Variants in ZNF439 observed in about 807,000 individuals in gnomAD.
The protein encoded by ZNF439 is zinc finger protein 439.
A neutral mutation model predicts 47.3 loss-of-function variants in ZNF439; 40 were observed. The ratio of observed to expected loss-of-function variants is 0.85; its 90% CI spans 0.66 to 1.10. The LOEUF is 1.10. Ranked by LOEUF, ZNF439 falls within the 50% of genes least tolerant of loss-of-function variation. The pLI, the probability that ZNF439 is intolerant of heterozygous loss-of-function variation, is 0.00. For missense variants in ZNF439, 556 were observed against 601.1 expected (o/e 0.93, Z 0.78); for synonymous variants, 171 against 198.8 (o/e 0.86, Z 1.18).
chr19:11,865,572 A>T (rs1387903651), intron 1 of ZNF439, among the ~76,000 whole-genome samples: 1 of 151,002 alleles, frequency 6.6e-6, no homozygotes, highest in Non-Finnish European at 1.5e-5. Flanking sequence ...ATTTTCAAGG[A>T]TACACAGCTT....
intron 1 of ZNF439, chr19:11,849,221 G>A: frequency 9.6e-7 from 1 of 1,044,870 alleles, no homozygotes; most frequent in Non-Finnish European, 1.2e-6. Context: ...GTCATGCGCG[G>A]ATTTCGACTC....
At position 11,867,447 on chromosome 19, in the gene ZNF439, T is replaced by G; in HGVS notation, c.393T>G (p.Cys131Trp). 6.2e-7 allele frequency: 1 copy of G among 1,614,072 alleles called. No homozygotes were observed. Among genetic ancestry groups the G allele is most frequent in the Middle Eastern group, 1.7e-4 (1 of 6,060 alleles). The change falls in exon 4 of 4, where the codon TGT becomes TGG. Residue 131 changes from cysteine to tryptophan, a missense_variant. Coordinates refer to ENST00000682736, the MANE Select transcript of ZNF439 (RefSeq NM_001348719.2). ...PEVKSCDSFV[C>W]EVGLGNSSSN... ...TAAAATCATGTGACAGCTTTGTGTG[T>G]GAAGTTGGCCTAGGTAACTCATCTT...
chr19:11,848,787 G>A lies in ZNF439; in HGVS notation c.-81G>A, dbSNP rs1160581067. 5 of 1,370,846 alleles carry A rather than the reference G, an allele frequency of 3.6e-6. No individual in the cohort carries two copies. The African/African-American group carries it at 4.6e-5, about 13-fold the overall frequency. The allele number at this position is 1,370,846 out of a possible 1,614,324, so 84.9% of individuals were successfully genotyped here. ...CCGTCACCTTTGTCGCTGCGAGGGC[G>A]GCGGTTGGGATCTGGCCTTTCCAGC... On this transcript the variant is annotated 5_prime_UTR_variant, in exon 1 of 4. Coordinates refer to ENST00000682736, the MANE Select transcript of ZNF439 (RefSeq NM_001348719.2).
intron 1 of ZNF439, among the ~76,000 whole-genome samples, chr19:11,853,030 A>G (rs1976292350): frequency 1.3e-5 from 2 of 152,120 alleles, no homozygotes; most frequent in South Asian, 2.1e-4. Flanking sequence ...TCCAGTTTCA[A>G]GCGATTCTCC....
At chr19:11,849,012 C>T in intron 1 of ZNF439, 82 bp downstream of exon 1, 1 of 1,400,190 alleles carries the variant, frequency 7.1e-7, no homozygotes, top group Non-Finnish European at 9.5e-7. Flanking sequence ...GTGGGCGACT[C>T]CGGGGTCTGG....
Position 11,867,528 on chromosome 19 carries a change from T to C in ZNF439, c.474T>C (p.Tyr158=). 1 of 1,614,176 alleles carries C rather than the reference T, an allele frequency of 6.2e-7. No individual in the cohort carries two copies. Among genetic ancestry groups the C allele is most frequent in the South Asian group, 1.1e-5 (1 of 91,082 alleles). ...ACAAGGCATGTGAATGTCAGGAATATGGACCAAAGCCATGGAAGAGTCAAC... is the reference window on the plus strand; with the variant it reads ...ACAAGGCATGTGAATGTCAGGAATACGGACCAAAGCCATGGAAGAGTCAAC... ...TGHKACECQE[Y]GPKPWKSQQP... The change falls in exon 4 of 4, where the codon TAT becomes TAC. Residue 158 remains tyrosine, a synonymous_variant. Coordinates refer to ENST00000682736, the MANE Select transcript of ZNF439 (RefSeq NM_001348719.2).
rs116441832 is a variant in ZNF439 at position 11,866,637 on chromosome 19, C to T, written c.251+40C>T. 819 of 1,580,890 alleles carry T rather than the reference C, an allele frequency of 5.2e-4. 2 individuals are homozygous for T. The African/African-American group carries it at 8.9e-3, about 17-fold the overall frequency. The stretch of plus-strand genomic sequence containing the variant: ...TAAGAGAAAGCAGTGTCTCTCTACA[C>T]GATCTTAGAATATGAGACTATGTTA... On this transcript the variant is annotated intron_variant, in intron 3 of 3. Coordinates refer to ENST00000682736, the MANE Select transcript of ZNF439 (RefSeq NM_001348719.2).
At chr19:11,861,717 G>A (rs1976545063) in intron 1 of ZNF439, among the ~76,000 whole-genome samples, 1 of 152,182 alleles carries the variant, frequency 6.6e-6, no homozygotes, top group African/African-American at 2.4e-5. Flanking sequence ...TGGAACAATA[G>A]CCTGCAAAAG....
At chr19:11,867,283 A>G (rs768200190) in intron 3 of ZNF439, 23 bp from the exon 4 acceptor site, 4 of 1,594,830 alleles carry the variant, frequency 2.5e-6, no homozygotes, top group Non-Finnish European at 3.4e-6. Context: ...AACTCTTCAT[A>G]ATTTGTTTCT....
At chr19:11,863,032 G>A (rs563530236) in intron 1 of ZNF439, among the ~76,000 whole-genome samples, 8 of 151,966 alleles carry the variant, frequency 5.3e-5, no homozygotes, top group Admixed American at 5.2e-4. Context: ...ATAGACATGA[G>A]CCATCGTGCC....
At chr19:11,848,982 G>T in intron 1 of ZNF439, 52 bp downstream of exon 1, 1 of 1,480,496 alleles carries the variant, frequency 6.8e-7, no homozygotes. Context: ...GCCTGGAACT[G>T]GCGGGACCCG....
chr19:11,851,598 G>A (rs997859396), intron 1 of ZNF439, among the ~76,000 whole-genome samples: 1 of 152,064 alleles, frequency 6.6e-6, no homozygotes, highest in South Asian at 2.1e-4. Flanking sequence ...ATAGGGAAAC[G>A]GCAAATAAAT....
At chr19:11,867,092 G>C (rs1207434572) in intron 3 of ZNF439, among the ~76,000 whole-genome samples, 1 of 152,310 alleles carries the variant, frequency 6.6e-6, no homozygotes, top group Non-Finnish European at 1.5e-5. Context: ...CATGGGAAGA[G>C]TATTAAGAAG....
intron 1 of ZNF439, among the ~76,000 whole-genome samples, chr19:11,855,552 A>T (rs1976363047): frequency 6.6e-6 from 1 of 152,092 alleles, no homozygotes; most frequent in Non-Finnish European, 1.5e-5. Context: ...AATTGATGAC[A>T]TTGTTCTAAG....
rs773093021 is a variant in ZNF439, at chr19:11,866,544, G to T, written c.198G>T (p.Lys66Asn). 9 of 1,612,978 alleles carry T rather than the reference G, an allele frequency of 5.6e-6. No individual in the cohort carries two copies. Among genetic ancestry groups the T allele is most frequent in the African/African-American group, 4.0e-5 (3 of 74,876 alleles). ...TFWNLTSIGK[K>N]WKDQNIEYEY... ...TCTGTGTTTGTATTTTAGGAAAAAA[G>T]TGGAAAGACCAGAACATTGAATATG... The change falls in exon 3 of 4, where the codon AAG becomes AAT. Residue 66 changes from lysine (K) to asparagine (N), a missense_variant. Physicochemically the swap from Lys to Asn is moderately conservative, Grantham distance 94. Transcript: ENST00000682736.
chr19:11,849,282 C>T, intron 1 of ZNF439: 1 of 1,005,780 alleles, frequency 9.9e-7, no homozygotes, highest in Non-Finnish European at 1.2e-6. Flanking sequence ...GGCCCACAGC[C>T]TCCACTTTCT....
chr19:11,849,161 G>C, intron 1 of ZNF439: 1 of 1,093,338 alleles, frequency 9.1e-7, no homozygotes, highest in Non-Finnish European at 1.1e-6. Context: ...CTTTTGTGCA[G>C]CTCCGCGCCC....
intron 1 of ZNF439, among the ~76,000 whole-genome samples, chr19:11,865,790 C>T (rs2145182188): frequency 6.9e-6 from 1 of 144,718 alleles, no homozygotes; most frequent in East Asian, 2.1e-4. Flanking sequence ...CACTTTGTGA[C>T]TCTGAGGCAG....
intron 1 of ZNF439, 153 bp from the exon 2 acceptor site, chr19:11,866,052 G>A (rs1483392604): frequency 4.7e-6 from 7 of 1,481,818 alleles, no homozygotes; most frequent in Non-Finnish European, 6.2e-6. Context: ...ATGGAAGAAA[G>A]TAAGTATAGA....
Sources: allele counts gnomAD v4.1 joint callset (sites outside exome capture counted in the v4.1 genomes callset), GRCh38; gene constraint gnomAD v4.1.1; transcripts MANE v1.5; gene names NCBI Gene and HGNC (gene_info 2026-07-23, HGNC 2026-07-21).